ERBB4: variants seen among roughly 807,000 people sequenced by gnomAD.
ERBB4 encodes the protein erb-b2 receptor tyrosine kinase 4.
In ERBB4, 42 loss-of-function variants were observed where a neutral mutation model predicts 158.0. The ratio of observed to expected loss-of-function variants is 0.27; its 90% CI spans 0.21 to 0.34. ERBB4 has a LOEUF of 0.34. Ranked by LOEUF, ERBB4 falls within the 10% of genes least tolerant of loss-of-function variation. The pLI, the probability that ERBB4 is intolerant of heterozygous loss-of-function variation, is 1.00. For missense variants in ERBB4, 1,333 were observed against 1,624.1 expected, an observed-to-expected ratio of 0.82 and a Z score of 3.08; for synonymous variants, 583 against 558.7, an observed-to-expected ratio of 1.04 and a Z score of -0.61.
chr2:211,541,936 T>A (rs1043476798), intron 20 of ERBB4, among the ~76,000 whole-genome samples: 1 of 152,020 alleles, frequency 6.6e-6, no homozygotes, highest in Admixed American at 6.6e-5. Flanking sequence ...AAAATGAGCA[T>A]GAGTTTTAGA....
intron 2 of ERBB4, among the ~76,000 whole-genome samples, chr2:212,097,197 T>G (rs1345806829): frequency 6.6e-6 from 1 of 151,316 alleles, no homozygotes; most frequent in Non-Finnish European, 1.5e-5. Flanking sequence ...AGCAGGAGAG[T>G]CAACAGTCAT....
chr2:212,254,481 T>C (rs906544213), intron 1 of ERBB4, among the ~76,000 whole-genome samples: 4 of 152,186 alleles, frequency 2.6e-5, no homozygotes, highest in African/African-American at 9.7e-5. Flanking sequence ...TCCCCACACC[T>C]ACTCCCACTT....
chr2:212,102,339 C>T (rs546132735), intron 2 of ERBB4, among the ~76,000 whole-genome samples: 25 of 151,564 alleles, frequency 1.6e-4, no homozygotes, highest in Admixed American at 4.6e-4. Flanking sequence ...TCTCAATAAA[C>T]GGGGAAAACA....
chr2:211,675,006 T>C (rs1291377685), intron 13 of ERBB4, among the ~76,000 whole-genome samples: 1 of 152,130 alleles, frequency 6.6e-6, no homozygotes, highest in African/African-American at 2.4e-5. Context: ...AGATTTCCAT[T>C]TGACAGGCTT....
chr2:211,465,145 C>T (rs757749060), intron 20 of ERBB4, among the ~76,000 whole-genome samples: 3 of 152,010 alleles, frequency 2.0e-5, no homozygotes, highest in Non-Finnish European at 2.9e-5. Flanking sequence ...CCACACCCAG[C>T]GAGCTTACAT....
At position 212,439,253 on chromosome 2, in the gene ERBB4, C is replaced by T. The variant is rs557526475; in HGVS notation, c.82+99196G>A. ...GATTATTCTGCTAGTGGTTATGTTG[C>T]AAGAAATACAGCTGGAATACCTAGC... On this transcript the variant is annotated intron_variant, in intron 1 of 27. Coordinates refer to ENST00000342788, the MANE Select transcript of ERBB4 (RefSeq NM_005235.3). Among the ~76,000 whole-genome samples the T allele has an allele frequency of 2.6e-5, 4 of 152,212 alleles. No homozygotes were observed. The South Asian group carries it at 8.3e-4, about 32-fold the overall frequency.
intron 2 of ERBB4, among the ~76,000 whole-genome samples, chr2:211,979,289 A>T (rs1318883011): frequency 6.6e-6 from 1 of 152,208 alleles, no homozygotes; most frequent in Non-Finnish European, 1.5e-5. Flanking sequence ...TATCTTAAAA[A>T]ATTGGCAAGA....
rs991922859 is a variant in ERBB4 at position 212,132,429 on chromosome 2, T to C, written c.83-7526A>G. Among the ~76,000 whole-genome samples, 6 of 152,164 alleles carry C rather than the reference T, an allele frequency of 3.9e-5. No individual in the cohort carries two copies. The South Asian group carries it at 6.2e-4, about 16-fold the overall frequency. On this transcript the variant is annotated intron_variant, in intron 1 of 27. Coordinates refer to ENST00000342788, the MANE Select transcript of ERBB4 (RefSeq NM_005235.3). ...GGGCGTTTTCACAAAAGACTACCATTGAATTGGTATACTGAGTAGAGCACA... is the reference window on the plus strand; with the variant it reads ...GGGCGTTTTCACAAAAGACTACCATCGAATTGGTATACTGAGTAGAGCACA...
At chr2:211,618,620 A>T (rs1220057637) in intron 19 of ERBB4, among the ~76,000 whole-genome samples, 1 of 152,138 alleles carries the variant, frequency 6.6e-6, no homozygotes, top group Non-Finnish European at 1.5e-5. Flanking sequence ...GGTTAACCCC[A>T]GGTTCTTGGT....
chr2:211,649,575 G>A (rs1389486099), intron 16 of ERBB4, among the ~76,000 whole-genome samples: 1 of 151,722 alleles, frequency 6.6e-6, no homozygotes, highest in African/African-American at 2.4e-5. Flanking sequence ...ATCTTGCTCT[G>A]TTCAGGAAAA....
intron 1 of ERBB4, among the ~76,000 whole-genome samples, chr2:212,434,952 A>T (rs572545216): frequency 1.3e-5 from 2 of 152,196 alleles, no homozygotes; most frequent in East Asian, 3.9e-4. Context: ...CAAATGATTT[A>T]AAGTCCAGAT....
At chr2:211,574,890 A>C (rs1043838564) in intron 19 of ERBB4, among the ~76,000 whole-genome samples, 1 of 152,188 alleles carries the variant, frequency 6.6e-6, no homozygotes, top group Non-Finnish European at 1.5e-5. Flanking sequence ...ATATTAAAGA[A>C]TTCTACCAGA....
intron 1 of ERBB4, among the ~76,000 whole-genome samples, chr2:212,139,288 AACAC>A (rs149575165): frequency 1.3e-5 from 2 of 151,578 alleles, no homozygotes; most frequent in East Asian, 1.9e-4. Context: ...TATTTAAAAC[AACAC>A]ACACACACAC....
At chr2:211,665,596 T>C (rs771024073) in intron 14 of ERBB4, 119 bp from the exon 15 acceptor site, 23 of 918,808 alleles carry the variant, frequency 2.5e-5, no homozygotes, top group Non-Finnish European at 2.4e-5. Context: ...TCTAAGAGAA[T>C]TGGAGAACAT....
At chr2:212,075,136 G>A (rs531256869) in intron 2 of ERBB4, among the ~76,000 whole-genome samples, 52 of 151,792 alleles carry the variant, frequency 3.4e-4, no homozygotes, top group African/African-American at 1.2e-3. Flanking sequence ...TAAAATTAAA[G>A]CACTTAAAAA....
chr2:211,495,934 C>T, intron 20 of ERBB4, among the ~76,000 whole-genome samples: 1 of 151,700 alleles, frequency 6.6e-6, no homozygotes, highest in East Asian at 1.9e-4. Flanking sequence ...TAGGGTTGTC[C>T]TCTTCTATTT....
At chr2:211,490,284 ACT>A (rs972596455) in intron 20 of ERBB4, among the ~76,000 whole-genome samples, 2 of 145,814 alleles carry the variant, frequency 1.4e-5, no homozygotes, top group Admixed American at 7.1e-5. Context: ...TTACCATTAG[ACT>A]CTCTCATGAA....
chr2:211,875,215 A>T (rs1245079071), intron 3 of ERBB4, among the ~76,000 whole-genome samples: 3 of 152,124 alleles, frequency 2.0e-5, no homozygotes, highest in South Asian at 4.1e-4. Context: ...ATACCATTCA[A>T]ATCAGCAAGA....
At chr2:212,159,373 C>G (rs2081137602) in intron 1 of ERBB4, among the ~76,000 whole-genome samples, 1 of 151,432 alleles carries the variant, frequency 6.6e-6, no homozygotes, top group Non-Finnish European at 1.5e-5. Flanking sequence ...GATGCCTACA[C>G]TTTCTCAATG....
Sources: gnomAD v4.1 joint callset for allele counts (sites outside exome capture counted in the v4.1 genomes callset) on GRCh38, gnomAD v4.1.1 for gene constraint, MANE v1.5 for transcripts, NCBI Gene and HGNC (gene_info 2026-07-23, HGNC 2026-07-21) for gene names.